Variants in ANXA8 observed in about 807,000 individuals in gnomAD.
The protein encoded by ANXA8 is annexin A8, also known as VAC-beta.
Under a neutral mutation model 26.8 loss-of-function variants are expected in ANXA8, and 9 were observed. The ratio of observed to expected loss-of-function variants is 0.34; its 90% CI spans 0.20 to 0.59. ANXA8 has a LOEUF of 0.59. Among genes scored for constraint, ANXA8 ranks in the 20% least tolerant of loss-of-function variants. The pLI is 0.84. For missense variants in ANXA8, 83 were observed against 238.5 expected, an observed-to-expected ratio of 0.35 and a Z score of 4.29; for synonymous variants, 39 against 94.8, an observed-to-expected ratio of 0.41 and a Z score of 3.42.
chr10:47,920,541 A>G, the ANXA8 span, among the ~76,000 whole-genome samples: 1 of 121,092 alleles, frequency 8.3e-6, no homozygotes, highest in Admixed American at 8.8e-5. Context: ...AATAGATTTT[A>G]CTGAGCTCTG....
chr10:47,504,843 GTTC>G, the ANXA8 span, among the ~76,000 whole-genome samples: 1 of 92,190 alleles, frequency 1.1e-5, no homozygotes, highest in Non-Finnish European at 2.2e-5. Context: ...GGTCATAACT[GTTC>G]TTTTTTTTTT....
At chr10:47,497,335 G>A in the ANXA8 span, among the ~76,000 whole-genome samples, 2,597 of 122,978 alleles carry the variant, frequency 0.021, 93 homozygotes, top group African/African-American at 0.077. Context: ...AAAAAAAAAG[G>A]CCAGGCGCAA....
the ANXA8 span, among the ~76,000 whole-genome samples, chr10:47,897,028 T>C: frequency 7.6e-6 from 1 of 132,108 alleles, no homozygotes; most frequent in Admixed American, 7.5e-5. Flanking sequence ...TCTCCCGGGT[T>C]CAAGCGATTG....
the ANXA8 span, among the ~76,000 whole-genome samples, chr10:47,580,920 CA>C: frequency 6.7e-6 from 1 of 149,092 alleles, no homozygotes. Flanking sequence ...ACTAAAAATA[CA>C]AAAAATTAGC....
chr10:47,702,439 C>A, the ANXA8 span, among the ~76,000 whole-genome samples: 1 of 150,582 alleles, frequency 6.6e-6, no homozygotes, highest in Non-Finnish European at 1.5e-5. Context: ...CTCCTGGGTT[C>A]TAGCAATTCT....
At chr10:47,502,146 C>T in the ANXA8 span, 12 of 1,569,698 alleles carry the variant, frequency 7.6e-6, 1 homozygote, top group South Asian at 6.7e-5. Flanking sequence ...GCCTGCCGGG[C>T]GTAGGTCAGC....
chr10:47,894,976 A>G, the ANXA8 span, among the ~76,000 whole-genome samples: 2 of 152,120 alleles, frequency 1.3e-5, no homozygotes, highest in Non-Finnish European at 1.5e-5. Flanking sequence ...CACACATACC[A>G]CACACACTCT....
upstream of ANXA8, among the ~76,000 whole-genome samples, chr10:47,488,964 C>G (rs1401674924): frequency 6.7e-6 from 1 of 148,702 alleles, no homozygotes; most frequent in Non-Finnish European, 1.5e-5. Context: ...ATCCGCCCAC[C>G]TCAGCCTCCC....
chr10:47,942,116 G>A, the ANXA8 span, among the ~76,000 whole-genome samples: 15 of 147,234 alleles, frequency 1.0e-4, 1 homozygote, highest in African/African-American at 2.9e-4. Flanking sequence ...CACCCCTGGA[G>A]GGAAATACCC....
chr10:47,705,028 G>A, the ANXA8 span, among the ~76,000 whole-genome samples: 15 of 152,162 alleles, frequency 9.9e-5, no homozygotes, highest in Admixed American at 7.9e-4. Flanking sequence ...CACTTTGGGA[G>A]GCCAAGGTAG....
chr10:47,626,158 G>A, the ANXA8 span, among the ~76,000 whole-genome samples: 3 of 150,042 alleles, frequency 2.0e-5, no homozygotes, highest in Non-Finnish European at 4.4e-5. Flanking sequence ...GCTTATAAAG[G>A]GTCAAATGGC....
At chr10:47,500,258 T>G in the ANXA8 span, among the ~76,000 whole-genome samples, 1 of 142,424 alleles carries the variant, frequency 7.0e-6, no homozygotes, top group East Asian at 2.2e-4. Flanking sequence ...CTGCTGTTGC[T>G]CTTCATTCTG....
chr10:47,898,811 A>ATTTTTTTTTTTTTTTT, the ANXA8 span, among the ~76,000 whole-genome samples: 17 of 56,256 alleles, frequency 3.0e-4, 1 homozygote, highest in African/African-American at 1.3e-3. Flanking sequence ...AAGAGAATGG[A>ATTTTTTTTTTTTTTTT]TTTTTTTTTT....
chr10:47,750,528 CCT>C, the ANXA8 span, among the ~76,000 whole-genome samples: 2 of 85,670 alleles, frequency 2.3e-5, no homozygotes, highest in Non-Finnish European at 4.7e-5. Flanking sequence ...CTCACTTCAG[CCT>C]TAACCTCCCG....
the ANXA8 span, chr10:47,565,054 G>A: frequency 1.3e-6 from 1 of 781,440 alleles, no homozygotes. Flanking sequence ...TGAAGACCAT[G>A]GGCATGTCCT....
At chr10:47,549,178 A>G in the ANXA8 span, 1 of 641,652 alleles carries the variant, frequency 1.6e-6, no homozygotes, top group Non-Finnish European at 2.8e-6. Context: ...CACATCTACT[A>G]TATCCCTGAT....
the ANXA8 span, among the ~76,000 whole-genome samples, chr10:47,965,977 T>C: frequency 1.8e-4 from 18 of 98,214 alleles, 1 homozygote; most frequent in Non-Finnish European, 1.6e-4. Flanking sequence ...GGGGGAATTG[T>C]TCCACCCTGC....
At chr10:47,646,120 T>C in the ANXA8 span, among the ~76,000 whole-genome samples, 1 of 149,240 alleles carries the variant, frequency 6.7e-6, no homozygotes, top group Non-Finnish European at 1.5e-5. Flanking sequence ...TCTGTATCTT[T>C]ATCTCATCTG....
chr10:47,699,344 C>CACA, the ANXA8 span, among the ~76,000 whole-genome samples: 1 of 54,204 alleles, frequency 1.8e-5, no homozygotes, highest in Non-Finnish European at 3.4e-5. Flanking sequence ...ATTCTGTCTC[C>CACA]AAAAAAAAAA....
Sources: allele counts gnomAD v4.1 joint callset (sites outside exome capture counted in the v4.1 genomes callset), GRCh38; gene constraint gnomAD v4.1.1; transcripts MANE v1.5; gene names NCBI Gene and HGNC (gene_info 2026-07-23, HGNC 2026-07-21).